Variants in TYK2 observed in about 807,000 individuals in gnomAD.
The protein encoded by TYK2 is tyrosine kinase 2.
A neutral mutation model predicts 130.9 loss-of-function variants in TYK2; 65 were observed. The ratio of observed to expected loss-of-function variants is 0.50; its 90% CI spans 0.41 to 0.61. TYK2 has a LOEUF of 0.61. Among genes scored for constraint, TYK2 ranks in the 20% least tolerant of loss-of-function variants. The probability of loss-of-function intolerance (pLI) is 0.00; values close to 1 mark genes in which losing one functional copy is unlikely to be tolerated. For synonymous variants in TYK2, 647 were observed against 658.9 expected, an observed-to-expected ratio of 0.98 and a Z score of 0.28; for missense variants, 1,378 against 1,610.7, an observed-to-expected ratio of 0.86 and a Z score of 2.47.
Position 10,354,304 on chromosome 19 carries a change from C to T in TYK2, c.2716-70G>A, listed in dbSNP as rs1380147869. The T allele has an allele frequency of 4.5e-6, 7 of 1,561,394 alleles. No individual in the cohort carries two copies. The African/African-American group carries it at 8.1e-5, about 18-fold the overall frequency. On this transcript the variant is annotated intron_variant, in intron 19 of 24. Transcript: ENST00000525621. ...GCACCACTCCCCAACCCCCGATTTC[C>T]CGGGCCACTCCTCCAGGCAGATCCT...
At chr19:10,369,291 C>G (rs568033106) in intron 3 of TYK2, among the ~76,000 whole-genome samples, 2 of 152,118 alleles carry the variant, frequency 1.3e-5, no homozygotes, top group Admixed American at 1.3e-4. Context: ...ACAGGCCCCC[C>G]CTTAGATATG....
intron 3 of TYK2, among the ~76,000 whole-genome samples, chr19:10,372,552 T>C (rs1332120850): frequency 7.4e-6 from 1 of 135,186 alleles, no homozygotes; most frequent in Non-Finnish European, 1.6e-5. Context: ...GGCAGTGGCA[T>C]GATCACTGTA....
At position 10,358,620 on chromosome 19, in the gene TYK2, T is replaced by A. The variant is rs566868997; in HGVS notation, c.2176-482A>T. Among the ~76,000 whole-genome samples the A allele has an allele frequency of 1.2e-4, 19 of 152,038 alleles. 1 individual carries two copies. Among genetic ancestry groups the A allele is most frequent in the African/African-American group, 3.6e-4 (15 of 41,510 alleles). On this transcript the variant is annotated intron_variant, in intron 15 of 24. Coordinates refer to ENST00000525621, the MANE Select transcript of TYK2 (RefSeq NM_003331.5). ...AGGTGCAAGTTACCACATTGGCTAA[T>A]TTTTTTTGTATTTTTAGTAGAGGCA...
intron 7 of TYK2, 100 bp downstream of exon 7, chr19:10,365,417 G>T: frequency 6.4e-7 from 1 of 1,568,278 alleles, no homozygotes; most frequent in Non-Finnish European, 8.7e-7. Context: ...TGGGGAGAGG[G>T]CTCAGGTCAG....
In TYK2 at chr19:10,361,967, T is replaced by C. The variant is rs755927510; in HGVS notation, c.1774-12A>G. On this transcript the variant is annotated splice_polypyrimidine_tract_variant and intron_variant, in intron 12 of 24. Transcript: ENST00000525621. The surrounding 1 kb of genome is among the most constrained non-coding windows in gnomAD (Gnocchi z 4.0). The stretch of plus-strand genomic sequence containing the variant: ...CCCAAGTGGGACAGCTGCGGGATCA[T>C]GTGGCACAGAATACCGCCATGGTGA... 2.7e-5 allele frequency: 44 copies of C among 1,613,796 alleles called. No individual in the cohort carries two copies. The highest frequency in any genetic ancestry group is 3.4e-5 in the Non-Finnish European group (40 of 1,179,960).
Position 10,352,985 on chromosome 19 carries a change from G to A in TYK2, c.3141C>T (p.Ala1047=), listed in dbSNP as rs757328478. The A allele has an allele frequency of 1.2e-6, 2 of 1,605,944 alleles. No individual in the cohort carries two copies. Among genetic ancestry groups the A allele is most frequent in the South Asian group, 2.2e-5 (2 of 90,776 alleles). The change falls in exon 22 of 25, where the codon GCC becomes GCT. Residue 1047 remains alanine, a synonymous_variant. Coordinates refer to ENST00000525621, the MANE Select transcript of TYK2 (RefSeq NM_003331.5). ...VKIGDFGLAK[A]VPEGHEYYRV... is the part of the protein sequence containing the mutation. ...GGTAGTACTCGTGGCCTTCGGGCAC[G>A]GCCTTGGCTAGGCCAAAGTCCCCGA...
chr19:10,359,033 A>G (rs928900608), intron 15 of TYK2, 142 bp downstream of exon 15: 28 of 1,141,850 alleles, frequency 2.5e-5, no homozygotes, highest in Non-Finnish European at 3.5e-5. Context: ...ATTGCACTCC[A>G]GCCTGGGTGA....
At position 10,352,442 on chromosome 19, in the gene TYK2, G is replaced by T; in HGVS notation, c.3310C>A (p.Pro1104Thr). The change falls in exon 23 of 25, where the codon CCC (proline) becomes ACC (threonine). Residue 1104 changes from proline to threonine, a missense_variant. By Grantham distance (38) the Pro-to-Thr change is conservative (BLOSUM62 -1). Coordinates refer to ENST00000525621, the MANE Select transcript of TYK2 (RefSeq NM_003331.5). The part of the protein sequence containing the change: ...LLTHCDSSQS[P>T]PTKFLELIGI... The stretch of plus-strand genomic sequence containing the variant: ...GCGGGCCTGGCTCTCACCGTGGGGG[G>T]GCTCTGGCTGGAGTCACAGTGCGTC... The T allele has an allele frequency of 1.2e-6, 2 of 1,607,806 alleles. No homozygotes were observed. The highest frequency in any genetic ancestry group is 1.7e-6 in the Non-Finnish European group (2 of 1,175,662).
intron 7 of TYK2, 116 bp downstream of exon 7, chr19:10,365,401 G>T: frequency 6.7e-7 from 1 of 1,497,988 alleles, no homozygotes; most frequent in Non-Finnish European, 9.2e-7. Flanking sequence ...GTGCCCCAGA[G>T]CCATGTGGGG....
chr19:10,365,722 C>A lies in TYK2; in HGVS notation c.806G>T (p.Arg269Leu), dbSNP rs770841701. Residue 269 changes from arginine to leucine, a missense_variant, in exon 7 of 25, where the codon CGC becomes CTC. By Grantham distance (102) the Arg-to-Leu change is moderately radical (BLOSUM62 -2). Coordinates refer to ENST00000525621, the MANE Select transcript of TYK2 (RefSeq NM_003331.5). Reference protein sequence around the residue: ...YLATLERLAPRFGTERVPVCH... With the variant: ...YLATLERLAPLFGTERVPVCH... The stretch of plus-strand genomic sequence containing the variant: ...CACGGGCACACGCTCTGTGCCGAAG[C>A]GGGGTGCCAGCCGCTCGAGTGTGGC... The A allele has an allele frequency of 6.8e-6, 11 of 1,612,916 alleles. No homozygotes were observed. The South Asian group carries it at 1.2e-4, about 18-fold the overall frequency.
intron 3 of TYK2, among the ~76,000 whole-genome samples, chr19:10,377,579 G>A (rs1273326904): frequency 1.2e-5 from 1 of 85,228 alleles, no homozygotes; most frequent in Non-Finnish European, 2.4e-5. Context: ...TGGGTGGGTG[G>A]ATGGATGGAT....
chr19:10,362,580 C>T lies in TYK2; in HGVS notation c.1445G>A (p.Arg482His), dbSNP rs767936553. ...LIHWSTSHPY[R>H]LILTVAQRSQ... The stretch of plus-strand genomic sequence containing the variant: ...ACGCTGGGCCACTGTGAGGATCAGG[C>T]GGTAGGGGTGGCTGGTGCTCCAGTG... The change falls in exon 10 of 25, where the codon CGC (arginine) becomes CAC (histidine). Residue 482 changes from arginine to histidine, a missense_variant. Transcript: ENST00000525621. 15 of 1,554,256 alleles carry T rather than the reference C, an allele frequency of 9.7e-6. No homozygotes were observed. The highest frequency in any genetic ancestry group is 2.7e-5 in the African/African-American group (2 of 73,190).
At position 10,350,808 on chromosome 19, in the gene TYK2, C is replaced by T; in HGVS notation, c.*26G>A. The T allele has an allele frequency of 3.7e-6, 6 of 1,612,034 alleles. No individual in the cohort carries two copies. Among genetic ancestry groups the T allele is most frequent in the Non-Finnish European group, 5.1e-6 (6 of 1,179,798 alleles). ...TCTGCAGCCACTGCCTGGTCCAGTC[C>T]TCCCAGGCAGGGCTGCCATTGTGCC... On this transcript the variant is annotated 3_prime_UTR_variant, in exon 25 of 25. Transcript: ENST00000525621.
chr19:10,378,153 G>A, intron 3 of TYK2, 61 bp downstream of exon 3: 1 of 1,566,976 alleles, frequency 6.4e-7, no homozygotes, highest in Non-Finnish European at 8.7e-7. Flanking sequence ...CGGATGGATG[G>A]GGCCCAGCTG....
chr19:10,357,064 G>T (rs2041137107), intron 17 of TYK2: 1 of 418,934 alleles, frequency 2.4e-6, no homozygotes, highest in Non-Finnish European at 4.4e-6. Flanking sequence ...TTCCTAGCCA[G>T]GCTTGTTGGC....
chr19:10,352,085 CTG>C (rs2040835128), intron 23 of TYK2, among the ~76,000 whole-genome samples: 1 of 147,794 alleles, frequency 6.8e-6, no homozygotes, highest in African/African-American at 2.5e-5. Context: ...CCGTCCTGTC[CTG>C]TCTTAGACGG....
At chr19:10,371,496 T>C (rs1410030020) in intron 3 of TYK2, among the ~76,000 whole-genome samples, 3 of 151,798 alleles carry the variant, frequency 2.0e-5, no homozygotes, top group African/African-American at 4.8e-5. Context: ...CAAAATTAGC[T>C]GGGCGTGGTG....
chr19:10,359,083 A>T, intron 15 of TYK2, 92 bp downstream of exon 15: 1 of 1,518,250 alleles, frequency 6.6e-7, no homozygotes. Flanking sequence ...AACAAAAAAG[A>T]TGGGGTCTCG....
chr19:10,362,527 C>T (rs753451546), intron 10 of TYK2, 22 bp downstream of exon 10: 111 of 1,555,458 alleles, frequency 7.1e-5, no homozygotes, highest in Non-Finnish European at 9.6e-5. Flanking sequence ...GCCCCAGCCC[C>T]AGCCCCCAGC....
Sources: allele counts gnomAD v4.1 joint callset (sites outside exome capture counted in the v4.1 genomes callset), GRCh38; gene constraint gnomAD v4.1.1; non-coding constraint Gnocchi (gnomAD v3.1); transcripts MANE v1.5; gene names NCBI Gene and HGNC (gene_info 2026-07-23, HGNC 2026-07-21).